The following ZNF324 variants were observed in gnomAD, a reference collection of about 807,000 sequenced individuals.
ZNF324 encodes the protein zinc finger protein 324A.
ZNF324 carries 3 observed loss-of-function variants against 10.3 expected under a neutral mutation model. The observed-to-expected ratio is 0.29, with a 90% CI of 0.13 to 0.75. The LOEUF is 0.75. Among genes scored for constraint, ZNF324 ranks in the 30% least tolerant of loss-of-function variants. The probability of loss-of-function intolerance (pLI) is 0.69; values close to 1 mark genes in which losing one functional copy is unlikely to be tolerated. For synonymous variants in ZNF324, 430 were observed against 339.5 expected (o/e 1.27, Z -2.93); for missense variants, 763 against 784.4 (o/e 0.97, Z 0.33).
chr19:58,470,075 C>T (rs1708207144), intron 3 of ZNF324, among the ~76,000 whole-genome samples: 1 of 152,172 alleles, frequency 6.6e-6, no homozygotes, highest in African/African-American at 2.4e-5. Context: ...ATGGTGAGAC[C>T]ATCTCAGAGT....
Position 58,470,990 on chromosome 19 carries a change from T to C in ZNF324, c.498T>C (p.Leu166=), listed in dbSNP as rs573295417. 1.9e-6 allele frequency: 3 copies of C among 1,614,208 alleles called. No individual in the cohort carries two copies. The East Asian group carries it at 6.7e-5, about 36-fold the overall frequency. Residue 166 remains leucine, a synonymous_variant, in exon 4 of 4, where the codon CTT becomes CTC. Coordinates refer to ENST00000196482, the MANE Select transcript of ZNF324 (RefSeq NM_014347.3). ...TCAGCCTGCGACTGACCTCCCCGCTTAGGCCTCCCGAGGGCGTCCGGCTTA... is the reference window on the plus strand; with the variant it reads ...TCAGCCTGCGACTGACCTCCCCGCTCAGGCCTCCCGAGGGCGTCCGGCTTA... ...ASVSLRLTSP[L]RPPEGVRLRE...
chr19:58,470,937 C>T lies in ZNF324; in HGVS notation c.445C>T (p.Leu149=), dbSNP rs1353465749. The change falls in exon 4 of 4, where the codon CTA becomes TTA. Residue 149 remains leucine (L), a synonymous_variant. Transcript: ENST00000196482. ...GGTGATCTACTGGGAGAGGCTCCTG[C>T]TAGGCTCAGGCAGTGGGCAAGCCAG... ...VSVIYWERLL[L]GSGSGQASVS... The T allele has an allele frequency of 6.2e-7, 1 of 1,614,204 alleles. No individual in the cohort carries two copies. The highest frequency in any genetic ancestry group is 1.1e-5 in the South Asian group (1 of 91,088).
Position 58,473,204 on chromosome 19 carries a change from G to C in ZNF324, c.*1050G>C, listed in dbSNP as rs924242188. ...CCCCCATTATCCCTCCTCAATTGGA[G>C]GCTGGACAGAGCTGAATAGGAAAGA... On this transcript the variant is annotated 3_prime_UTR_variant, in exon 4 of 4. Coordinates refer to ENST00000196482, the MANE Select transcript of ZNF324 (RefSeq NM_014347.3). The C allele has an allele frequency of 3.3e-5, 5 of 152,638 alleles. No individual in the cohort carries two copies. The highest frequency in any genetic ancestry group is 1.2e-4 in the African/African-American group (5 of 41,422). 9.5% of individuals were successfully genotyped at this position (152,638 alleles called of 1,614,324 possible).
In ZNF324 at chr19:58,472,372, A is replaced by G; in HGVS notation, c.*218A>G. On this transcript the variant is annotated 3_prime_UTR_variant, in exon 4 of 4. Transcript: ENST00000196482. ...AAAGAGGTAGCACTGCAGCAACATC[A>G]GGGGGAGGACGTGGTGGCTGAACTC... The G allele has an allele frequency of 3.5e-6, 2 of 574,052 alleles. No individual in the cohort carries two copies. Among genetic ancestry groups the G allele is most frequent in the South Asian group, 2.5e-5 (1 of 39,530 alleles). The allele number at this position is 574,052 out of a possible 1,614,324, so 35.6% of individuals were successfully genotyped here.
intron 1 of ZNF324, among the ~76,000 whole-genome samples, chr19:58,468,486 CCAGTCCCT>C (rs2053000541): frequency 6.6e-6 from 1 of 152,260 alleles, no homozygotes; most frequent in Non-Finnish European, 1.5e-5. Context: ...TGAGAATCAT[CCAGTCCCT>C]CAGGCTGGAT....
rs1157118496 is a variant in ZNF324 at position 58,474,119 on chromosome 19, G to C, written c.*1965G>C. On this transcript the variant is annotated 3_prime_UTR_variant, in exon 4 of 4. Coordinates refer to ENST00000196482, the MANE Select transcript of ZNF324 (RefSeq NM_014347.3). ...ACTCTTCCACCTGTGAAACCTCACA[G>C]GTTCCTGCAGGGAGTGGAGACACAC... is the stretch of plus-strand genomic sequence containing the variant. The C allele has an allele frequency of 6.6e-6, 1 of 152,252 alleles. No individual in the cohort carries two copies. The highest frequency in any genetic ancestry group is 6.5e-5 in the Admixed American group (1 of 15,284). 9.4% of individuals were successfully genotyped at this position (152,252 alleles called of 1,614,324 possible). A position where few individuals can be genotyped will look rare whatever the true frequency, so the allele number is the denominator to read the frequency against.
Position 58,471,036 on chromosome 19 carries a change from C to G in ZNF324, c.544C>G (p.His182Asp), listed in dbSNP as rs561251941. The stretch of plus-strand genomic sequence containing the variant: ...GCTTAGAGAAAAGACACTCACAGAG[C>G]ATGCGTTGCTGGGGAGGCAGCCCAG... ...VRLREKTLTE[H>D]ALLGRQPRTP... Residue 182 changes from histidine to aspartate, a missense_variant, in exon 4 of 4, where the codon CAT becomes GAT. Physicochemically the swap from His to Asp is moderately conservative, Grantham distance 81. Around this residue, in one of 3 missense-constraint regions of ZNF324, gnomAD observed 379 missense variants for 319.4 expected, o/e 1.19. Transcript: ENST00000196482. 13 of 1,614,074 alleles carry G rather than the reference C, an allele frequency of 8.1e-6. No individual in the cohort carries two copies. The African/African-American group carries it at 1.1e-4, about 13-fold the overall frequency.
rs796363832 is a variant in ZNF324 at position 58,469,087 on chromosome 19, A to G, written c.-6-93A>G. The G allele has an allele frequency of 3.9e-6, 6 of 1,531,206 alleles. No homozygotes were observed. In the African/African-American group the frequency reaches 4.1e-5, roughly 10 times the overall value. The allele number at this position is 1,531,206 out of a possible 1,614,324, so 94.9% of individuals were successfully genotyped here. On this transcript the variant is annotated intron_variant, in intron 1 of 3. Coordinates refer to ENST00000196482, the MANE Select transcript of ZNF324 (RefSeq NM_014347.3). ...GTTAATGTATTTTATGTGTTGCCCAAGACAATTCTTCTTCCAATGTGGCCC... is the reference window on the plus strand; with the variant it reads ...GTTAATGTATTTTATGTGTTGCCCAGGACAATTCTTCTTCCAATGTGGCCC...
At position 58,469,891 on chromosome 19, in the gene ZNF324, C is replaced by A; in HGVS notation, c.238+47C>A. On this transcript the variant is annotated intron_variant, in intron 3 of 3. Coordinates refer to ENST00000196482, the MANE Select transcript of ZNF324 (RefSeq NM_014347.3). The stretch of plus-strand genomic sequence containing the variant: ...GGTGAATTCAGGACCAACCTGTGGT[C>A]ATGCCTCTGTCCCTGGTTCCCAGAC... 2.0e-6 allele frequency: 3 copies of A among 1,478,592 alleles called. No individual in the cohort carries two copies. The South Asian group carries it at 3.6e-5, about 18-fold the overall frequency. The allele number at this position is 1,478,592 out of a possible 1,614,324, so 91.6% of individuals were successfully genotyped here. A position where few individuals can be genotyped will look rare whatever the true frequency, so the allele number is the denominator to read the frequency against.
chr19:58,469,343 TAAC>T, intron 2 of ZNF324, 37 bp downstream of exon 2: 2 of 1,607,052 alleles, frequency 1.2e-6, no homozygotes, highest in Non-Finnish European at 8.5e-7. Flanking sequence ...GGGCAACTGA[TAAC>T]AAGCTGACTG....
Position 58,472,471 on chromosome 19 carries a change from T to TGA in ZNF324, c.*318_*319dup, listed in dbSNP as rs2053045925. ...CACTGCACTGTGGTGCGGCTTCATG[T>TGA]GATATGACAGTGGATGCTAAGGTGA... On this transcript the variant is annotated 3_prime_UTR_variant, in exon 4 of 4. Coordinates refer to ENST00000196482, the MANE Select transcript of ZNF324 (RefSeq NM_014347.3). 2 of 353,182 alleles carry TGA rather than the reference T, an allele frequency of 5.7e-6. No individual in the cohort carries two copies. Among genetic ancestry groups the TGA allele is most frequent in the Non-Finnish European group, 1.0e-5 (2 of 193,988 alleles). The allele number at this position is 353,182 out of a possible 1,614,324, so 21.9% of individuals were successfully genotyped here. A position where few individuals can be genotyped will look rare whatever the true frequency, so the allele number is the denominator to read the frequency against.
In ZNF324 at chr19:58,471,987, C is replaced by T; in HGVS notation, c.1495C>T (p.His499Tyr). The change falls in exon 4 of 4, where the codon CAC becomes TAC. Residue 499 changes from histidine (H) to tyrosine (Y), a missense_variant. Coordinates refer to ENST00000196482, the MANE Select transcript of ZNF324 (RefSeq NM_014347.3). The stretch of plus-strand genomic sequence containing the variant: ...CCGTGAGCGCCCGGCCCTCTTCCAC[C>T]ACCAGAGGATCCATACCGGCGAGAA... ...AFRERPALFH[H>Y]QRIHTGEKTV... The T allele has an allele frequency of 6.2e-7, 1 of 1,608,874 alleles. No individual in the cohort carries two copies. The highest frequency in any genetic ancestry group is 8.5e-7 in the Non-Finnish European group (1 of 1,179,642).
chr19:58,470,500 G>T (rs999602180), intron 3 of ZNF324: 7 of 647,086 alleles, frequency 1.1e-5, no homozygotes, highest in Non-Finnish European at 1.7e-5. Flanking sequence ...CATCCTGGGT[G>T]TCGGGGGGCT....
At chr19:58,468,618 G>C (rs570876559) in intron 1 of ZNF324, among the ~76,000 whole-genome samples, 16 of 152,144 alleles carry the variant, frequency 1.1e-4, no homozygotes, top group African/African-American at 3.9e-4. Context: ...AGCAGGAAGG[G>C]TGCATCTGGG....
rs368943302 is a variant in ZNF324, at chr19:58,474,925, C to T, written c.*2771C>T. On this transcript the variant is annotated 3_prime_UTR_variant, in exon 4 of 4. Coordinates refer to ENST00000196482, the MANE Select transcript of ZNF324 (RefSeq NM_014347.3). ...TCCCACCAGGCTGACTCCAGAACCG[C>T]AGAAGGCTGAGAACCAGCAGCCCAG... 1.6e-4 allele frequency: 25 copies of T among 152,410 alleles called. No individual in the cohort carries two copies. The East Asian group carries it at 2.5e-3, about 15-fold the overall frequency. The allele number at this position is 152,410 out of a possible 1,614,324, so 9.4% of individuals were successfully genotyped here. A position where few individuals can be genotyped will look rare whatever the true frequency, so the allele number is the denominator to read the frequency against.
chr19:58,471,848 C>G lies in ZNF324; in HGVS notation c.1356C>G (p.Pro452=), dbSNP rs752216473. Reference sequence around the variant, plus strand: ...AGCTCCTGCACACGGGCGAGCGGCCCTTCCGCTGCGTGGACTGTGGCAAGG... The same window carrying G: ...AGCTCCTGCACACGGGCGAGCGGCCGTTCCGCTGCGTGGACTGTGGCAAGG... The part of the protein sequence containing the change: ...QHQLLHTGER[P]FRCVDCGKAF... Residue 452 remains proline, a synonymous_variant, in exon 4 of 4, where the codon CCC becomes CCG. Transcript: ENST00000196482. 1.9e-6 allele frequency: 3 copies of G among 1,612,752 alleles called. No homozygotes were observed. The highest frequency in any genetic ancestry group is 2.2e-5 in the East Asian group (1 of 44,884).
At position 58,473,121 on chromosome 19, in the gene ZNF324, G is replaced by C. The variant is rs1179011936; in HGVS notation, c.*967G>C. The C allele has an allele frequency of 2.0e-5, 3 of 152,824 alleles. No homozygotes were observed. Among genetic ancestry groups the C allele is most frequent in the Middle Eastern group, 3.4e-3 (1 of 294 alleles). The allele number at this position is 152,824 out of a possible 1,614,324, so 9.5% of individuals were successfully genotyped here. A position where few individuals can be genotyped will look rare whatever the true frequency, so the allele number is the denominator to read the frequency against. On this transcript the variant is annotated 3_prime_UTR_variant, in exon 4 of 4. Transcript: ENST00000196482. Reference sequence around the variant, plus strand: ...AGGGGATGATGTTAACTTCAGACAAGATGGAGCTGCTCACTTTTGCCGGGT... The same window carrying C: ...AGGGGATGATGTTAACTTCAGACAACATGGAGCTGCTCACTTTTGCCGGGT...
At position 58,471,065 on chromosome 19, in the gene ZNF324, G is replaced by A. The variant is rs759254900; in HGVS notation, c.573G>A (p.Thr191=). 1.9e-6 allele frequency: 3 copies of A among 1,613,900 alleles called. No individual in the cohort carries two copies. Among genetic ancestry groups the A allele is most frequent in the Middle Eastern group, 1.6e-4 (1 of 6,062 alleles). ...CGTTGCTGGGGAGGCAGCCCAGGAC[G>A]CCTGAGCGGCAGAAACCATGTGCAC... is the stretch of plus-strand genomic sequence containing the variant. ...EHALLGRQPR[T]PERQKPCAQE... is the part of the protein sequence containing the mutation. The change falls in exon 4 of 4, where the codon ACG becomes ACA. Residue 191 remains threonine (T), a synonymous_variant. Transcript: ENST00000196482.
In ZNF324 at chr19:58,475,411, A is replaced by G. The variant is rs2122430971; in HGVS notation, c.*3257A>G. On this transcript the variant is annotated 3_prime_UTR_variant, in exon 4 of 4. Transcript: ENST00000196482. ...GTTCTGCTCCCCAAATTCAAAGGTA[A>G]ATAAACGGTTGAGCATGTCCGATCA... 1 of 152,338 alleles carries G rather than the reference A, an allele frequency of 6.6e-6. No homozygotes were observed. Among genetic ancestry groups the G allele is most frequent in the East Asian group, 1.9e-4 (1 of 5,186 alleles). The allele number at this position is 152,338 out of a possible 1,614,324, so 9.4% of individuals were successfully genotyped here. A position where few individuals can be genotyped will look rare whatever the true frequency, so the allele number is the denominator to read the frequency against.
Sources: gnomAD v4.1 joint callset for allele counts (sites outside exome capture counted in the v4.1 genomes callset) on GRCh38, gnomAD v4.1.1 for gene constraint, gnomAD v4.1.1 regional missense constraint, MANE v1.5 for transcripts, NCBI Gene and HGNC (gene_info 2026-07-23, HGNC 2026-07-21) for gene names.